The following BEND5 variants were observed in gnomAD, a reference collection of about 807,000 sequenced individuals.
The protein encoded by BEND5 is BEN domain containing 5, also known as BEN domain-containing protein 5.
BEND5 carries 22 observed loss-of-function variants against 43.9 expected under a neutral mutation model. The observed-to-expected ratio is 0.50, with a 90% CI of 0.36 to 0.72. The LOEUF is 0.72. BEND5 is among the 30% of genes least tolerant of loss of function. The probability of loss-of-function intolerance (pLI) is 0.00; values close to 1 mark genes in which losing one functional copy is unlikely to be tolerated. For missense variants in BEND5, 428 were observed against 550.6 expected, an observed-to-expected ratio of 0.78 and a Z score of 2.23; for synonymous variants, 228 against 225.9, an observed-to-expected ratio of 1.01 and a Z score of -0.08.
chr1:48,739,647 T>C (rs914825132), intron 4 of BEND5, among the ~76,000 whole-genome samples: 18 of 152,196 alleles, frequency 1.2e-4, no homozygotes, highest in Non-Finnish European at 2.1e-4. Flanking sequence ...TTTTCTCAGC[T>C]ATACAGTCAG....
intron 1 of BEND5, among the ~76,000 whole-genome samples, chr1:48,763,722 C>A (rs1389120828): frequency 6.6e-6 from 1 of 152,184 alleles, no homozygotes. Flanking sequence ...ATCGTTCGGA[C>A]TCACAAAACC....
At chr1:48,745,590 T>C (rs1650608080) in intron 3 of BEND5, among the ~76,000 whole-genome samples, 1 of 152,186 alleles carries the variant, frequency 6.6e-6, no homozygotes, top group African/African-American at 2.4e-5. Context: ...TCTTTGCTTA[T>C]GCCATTCCTT....
intron 1 of BEND5, among the ~76,000 whole-genome samples, chr1:48,772,028 C>T (rs2148696012): frequency 6.6e-6 from 1 of 152,224 alleles, no homozygotes; most frequent in East Asian, 1.9e-4. Flanking sequence ...ATTTCCCTCT[C>T]CTCAAGCACA....
intron 1 of BEND5, among the ~76,000 whole-genome samples, chr1:48,766,213 A>AT (rs576364791): frequency 1.1e-4 from 16 of 151,454 alleles, no homozygotes; most frequent in Admixed American, 2.0e-4. Context: ...TATAAGCCAC[A>AT]TTTTTTTTTC....
At chr1:48,763,199 T>G (rs781473923) in intron 1 of BEND5, among the ~76,000 whole-genome samples, 2 of 152,196 alleles carry the variant, frequency 1.3e-5, no homozygotes, top group Non-Finnish European at 2.9e-5. Flanking sequence ...TGGTCTTTGT[T>G]AATAACCCCT....
rs1397399106 is a variant in BEND5, at chr1:48,736,302, T to G, written c.1045A>C (p.Lys349Gln). ...TTAGGGACTGCATCTTTCTTTTTTT[T>G]TGTGGCGACGCCTGTGACGCTTCTG... is the stretch of plus-strand genomic sequence containing the variant. ...KNRSVTGVATKKKKDAVPKPP... is the reference protein window; with the variant it reads ...KNRSVTGVATQKKKDAVPKPP... The change falls in exon 5 of 6, where the codon AAA becomes CAA. Residue 349 changes from lysine (K) to glutamine (Q), a missense_variant. Lys to Gln is a moderately conservative substitution (Grantham distance 53). Transcript: ENST00000371833. This position sits in a 1 kb window ranked among gnomAD's most constrained non-coding sequence, Gnocchi z 4.0. 1 of 1,614,196 alleles carries G rather than the reference T, an allele frequency of 6.2e-7. No individual in the cohort carries two copies. Among genetic ancestry groups the G allele is most frequent in the Non-Finnish European group, 8.5e-7 (1 of 1,180,028 alleles).
Position 48,759,205 on chromosome 1 carries a change from C to T in BEND5, c.440G>A (p.Gly147Asp), listed in dbSNP as rs1644122986. 7 of 1,610,420 alleles carry T rather than the reference C, an allele frequency of 4.3e-6. No homozygotes were observed. Among genetic ancestry groups the T allele is most frequent in the Admixed American group, 1.7e-5 (1 of 59,574 alleles). The change falls in exon 3 of 6, where the codon GGC becomes GAC. Residue 147 changes from glycine to aspartate, a missense_variant. Gly to Asp is a moderately conservative substitution (Grantham distance 94). Coordinates refer to ENST00000371833, the MANE Select transcript of BEND5 (RefSeq NM_024603.4). Reference protein sequence around the residue: ...AVVARLEKQNGLSLGHSTCPE... With the variant: ...AVVARLEKQNDLSLGHSTCPE... ...ACACGTGCTATGGCCCAGGCTCAGG[C>T]CGTTCTGCTTCTCTAGCCGAGCCAC...
intron 5 of BEND5, among the ~76,000 whole-genome samples, chr1:48,728,511 T>C (rs1400078244): frequency 2.0e-5 from 3 of 150,628 alleles, no homozygotes; most frequent in African/African-American, 4.9e-5. Flanking sequence ...TCAAATGTTA[T>C]AGTTTTGAGA....
At chr1:48,771,742 T>C (rs1233289694) in intron 1 of BEND5, among the ~76,000 whole-genome samples, 1 of 152,236 alleles carries the variant, frequency 6.6e-6, no homozygotes, top group African/African-American at 2.4e-5. Context: ...GCTAACTTTG[T>C]AGAAGTTCCA....
At chr1:48,764,995 TA>T (rs1644461474) in intron 1 of BEND5, among the ~76,000 whole-genome samples, 1 of 152,208 alleles carries the variant, frequency 6.6e-6, no homozygotes, top group African/African-American at 2.4e-5. Context: ...CCACCAGCTA[TA>T]CTCAAGGCTC....
chr1:48,770,644 T>C (rs1644770332), intron 1 of BEND5, among the ~76,000 whole-genome samples: 1 of 152,144 alleles, frequency 6.6e-6, no homozygotes. Context: ...TCTCCTGACA[T>C]ATCCACCCAG....
In BEND5 at chr1:48,759,476, G is replaced by C; in HGVS notation, c.361-192C>G. On this transcript the variant is annotated intron_variant, in intron 2 of 5. Coordinates refer to ENST00000371833, the MANE Select transcript of BEND5 (RefSeq NM_024603.4). ...AAACATTTTATAAATTTTATAAATG[G>C]GGTTCCGAGTGGGGAAGGGGCTTGC... 5.2e-6 allele frequency: 6 copies of C among 1,155,846 alleles called. No homozygotes were observed. The South Asian group carries it at 6.7e-5, about 13-fold the overall frequency. The allele number at this position is 1,155,846 out of a possible 1,614,324, so 71.6% of individuals were successfully genotyped here. A position where few individuals can be genotyped will look rare whatever the true frequency, so the allele number is the denominator to read the frequency against.
chr1:48,772,410 G>A (rs1280366383), intron 1 of BEND5, among the ~76,000 whole-genome samples: 1 of 152,186 alleles, frequency 6.6e-6, no homozygotes, highest in Non-Finnish European at 1.5e-5. Flanking sequence ...CCCACCTGTA[G>A]GTGAGCTCCT....
chr1:48,749,305 A>T (rs930283876), intron 3 of BEND5, among the ~76,000 whole-genome samples: 1 of 152,112 alleles, frequency 6.6e-6, no homozygotes, highest in Non-Finnish European at 1.5e-5. Context: ...CCCTGACTAG[A>T]ACATAAACAC....
chr1:48,753,751 G>A (rs768593028), intron 3 of BEND5, among the ~76,000 whole-genome samples: 1 of 152,104 alleles, frequency 6.6e-6, no homozygotes, highest in Non-Finnish European at 1.5e-5. Context: ...TAAGACTATC[G>A]GAATTGTCCA....
At chr1:48,760,619 C>T (rs182473425) in intron 2 of BEND5, among the ~76,000 whole-genome samples, 6 of 152,142 alleles carry the variant, frequency 3.9e-5, no homozygotes, top group Admixed American at 1.3e-4. Context: ...CAGGGCCAGG[C>T]GCATAGCAGG....
intron 3 of BEND5, among the ~76,000 whole-genome samples, chr1:48,752,520 C>A (rs958848226): frequency 4.6e-5 from 7 of 152,098 alleles, no homozygotes; most frequent in Non-Finnish European, 5.9e-5. Flanking sequence ...TAAGGACTTA[C>A]AAGGGGAAAC....
intron 1 of BEND5, among the ~76,000 whole-genome samples, chr1:48,773,245 C>A (rs1023277091): frequency 2.0e-5 from 3 of 151,694 alleles, no homozygotes; most frequent in African/African-American, 7.3e-5. Flanking sequence ...CAGTTTGAGC[C>A]TCCTAAAAAA....
intron 3 of BEND5, among the ~76,000 whole-genome samples, chr1:48,752,761 T>TC (rs1194867386): frequency 4.6e-5 from 7 of 150,890 alleles, no homozygotes; most frequent in Non-Finnish European, 8.9e-5. Context: ...ATTTACTCCT[T>TC]TTTTTTTTGG....
Sources: allele counts gnomAD v4.1 joint callset (sites outside exome capture counted in the v4.1 genomes callset), GRCh38; gene constraint gnomAD v4.1.1; non-coding constraint Gnocchi (gnomAD v3.1); transcripts MANE v1.5; gene names NCBI Gene and HGNC (gene_info 2026-07-23, HGNC 2026-07-21).